The following DMGDH variants were observed in gnomAD, a reference collection of about 807,000 sequenced individuals.
DMGDH encodes the protein dimethylglycine dehydrogenase, mitochondrial.
In DMGDH, 76 loss-of-function variants were observed where a neutral mutation model predicts 95.2. The observed-to-expected ratio is 0.80, with a 90% CI of 0.66 to 0.97. The LOEUF is 0.97. Among genes scored for constraint, DMGDH ranks in the 50% least tolerant of loss-of-function variants. The probability of loss-of-function intolerance (pLI) is 0.00; values close to 1 mark genes in which losing one functional copy is unlikely to be tolerated. For synonymous variants in DMGDH, 345 were observed against 377.6 expected (o/e 0.91, Z 1.00); for missense variants, 987 against 1,055.0 (o/e 0.94, Z 0.89).
chr5:79,038,017 C>T (rs1754393808), intron 7 of DMGDH, among the ~76,000 whole-genome samples: 1 of 152,138 alleles, frequency 6.6e-6, no homozygotes, highest in Non-Finnish European at 1.5e-5. Context: ...TCTACAGATT[C>T]AATGCAATCT....
intron 14 of DMGDH, among the ~76,000 whole-genome samples, chr5:79,011,796 A>C (rs1753651817): frequency 6.6e-6 from 1 of 152,168 alleles, no homozygotes; most frequent in South Asian, 2.1e-4. Flanking sequence ...GAACTCACTC[A>C]CTATTGCGAG....
intron 12 of DMGDH, 46 bp from the exon 13 acceptor site, chr5:79,026,627 A>G (rs533063502): frequency 6.2e-7 from 1 of 1,613,250 alleles, no homozygotes; most frequent in African/African-American, 1.3e-5. Context: ...AACAATGATC[A>G]CTAGATCTAA....
chr5:79,005,248 T>A, intron 15 of DMGDH, 25 bp downstream of exon 15: 1 of 1,612,904 alleles, frequency 6.2e-7, no homozygotes, highest in Non-Finnish European at 8.5e-7. Context: ...CCACAGCCCC[T>A]GGCAGTGAGG....
chr5:79,058,035 A>G (rs1755082325), intron 2 of DMGDH, among the ~76,000 whole-genome samples: 1 of 152,342 alleles, frequency 6.6e-6, no homozygotes, highest in South Asian at 2.1e-4. Context: ...TACTGAAGAC[A>G]TTTAGCCCAA....
chr5:79,024,946 T>C (rs1561212940), intron 13 of DMGDH, among the ~76,000 whole-genome samples: 1 of 152,272 alleles, frequency 6.6e-6, no homozygotes, highest in African/African-American at 2.4e-5. Context: ...AGAACTAGTC[T>C]AAACCCCCTA....
intron 2 of DMGDH, among the ~76,000 whole-genome samples, chr5:79,058,360 G>A (rs1755094212): frequency 1.3e-5 from 2 of 152,170 alleles, no homozygotes; most frequent in Admixed American, 1.3e-4. Context: ...TAATGTAAGT[G>A]CCAGGCTTGA....
rs16876367 is a variant in DMGDH, at chr5:79,033,122, T to C, written c.1363+117A>G. ...TGTTATGTCTCAGGGGCACAATGCT[T>C]TTTGGAGTCCCTAACTACCGCCATC... On this transcript the variant is annotated intron_variant, in intron 8 of 15. Coordinates refer to ENST00000255189, the MANE Select transcript of DMGDH (RefSeq NM_013391.3). 2,085 of 1,310,960 alleles carry C rather than the reference T, an allele frequency of 1.6e-3. 23 individuals are homozygous for C. In the African/African-American group the frequency reaches 0.028, roughly 17 times the overall value. The allele number at this position is 1,310,960 out of a possible 1,614,324, so 81.2% of individuals were successfully genotyped here. A position where few individuals can be genotyped will look rare whatever the true frequency, so the allele number is the denominator to read the frequency against.
intron 2 of DMGDH, among the ~76,000 whole-genome samples, chr5:79,058,208 C>T (rs78590865): frequency 0.071 from 10,834 of 152,236 alleles, 854 homozygotes; most frequent in African/African-American, 0.18. Flanking sequence ...AATTTTCTCA[C>T]TCAGACATAG....
At chr5:79,038,532 T>C (rs1754411868) in intron 7 of DMGDH, among the ~76,000 whole-genome samples, 2 of 152,070 alleles carry the variant, frequency 1.3e-5, no homozygotes. Context: ...TAGACACAGA[T>C]GAAGGAACAG....
At chr5:79,039,356 C>T (rs1732135518) in intron 7 of DMGDH, among the ~76,000 whole-genome samples, 1 of 152,096 alleles carries the variant, frequency 6.6e-6, no homozygotes, top group African/African-American at 2.4e-5. Context: ...GGCACATATA[C>T]ACCATGGAAT....
intron 15 of DMGDH, 67 bp downstream of exon 15, chr5:79,005,206 A>G: frequency 6.2e-7 from 1 of 1,604,654 alleles, no homozygotes; most frequent in Non-Finnish European, 8.5e-7. Flanking sequence ...AAGAGGAAAT[A>G]GGAACAAGGG....
intron 2 of DMGDH, among the ~76,000 whole-genome samples, chr5:79,056,599 A>G (rs1755036815): frequency 6.6e-6 from 1 of 151,340 alleles, no homozygotes. Context: ...CATGCCTGTA[A>G]TCCCAGCACT....
chr5:79,064,553 G>A (rs936699320), intron 1 of DMGDH, among the ~76,000 whole-genome samples: 1 of 151,842 alleles, frequency 6.6e-6, no homozygotes, highest in Non-Finnish European at 1.5e-5. Flanking sequence ...ATTTTTAAAT[G>A]TATTTTTCTT....
At chr5:79,068,849 G>A (rs748960577) in intron 1 of DMGDH, among the ~76,000 whole-genome samples, 1 of 152,202 alleles carries the variant, frequency 6.6e-6, no homozygotes, top group Non-Finnish European at 1.5e-5. Flanking sequence ...TGGGAACCAG[G>A]GAAGATGTGG....
intron 5 of DMGDH, among the ~76,000 whole-genome samples, chr5:79,049,725 C>A (rs1392271115): frequency 1.3e-5 from 2 of 152,120 alleles, no homozygotes; most frequent in Non-Finnish European, 2.9e-5. Flanking sequence ...CAGATGGAGA[C>A]TGGAGGGAAA....
chr5:79,000,102 G>C (rs1753428564), intron 15 of DMGDH: 2 of 437,354 alleles, frequency 4.6e-6, no homozygotes, highest in Non-Finnish European at 8.9e-6. Context: ...CCATTACTCA[G>C]TGATGAACAT....
chr5:79,028,333 C>T (rs1053765471), intron 12 of DMGDH, 100 bp downstream of exon 12: 14 of 1,027,524 alleles, frequency 1.4e-5, no homozygotes, highest in Admixed American at 2.1e-5. Flanking sequence ...CATACACACT[C>T]ACACATTTCT....
intron 5 of DMGDH, among the ~76,000 whole-genome samples, chr5:79,046,056 GTGTTTTGTTT>G (rs71974072): frequency 0.048 from 7,131 of 147,780 alleles, 544 homozygotes; most frequent in African/African-American, 0.16. Context: ...CTATTTGCCG[GTGTTTTGTTT>G]TGTTTTGTTT....
chr5:79,043,777 C>G lies in DMGDH; in HGVS notation c.994+527G>C, dbSNP rs62377936. Among the ~76,000 whole-genome samples, 5 of 152,094 alleles carry G rather than the reference C, an allele frequency of 3.3e-5. No individual in the cohort carries two copies. In the East Asian group the frequency reaches 5.8e-4, roughly 18 times the overall value. ...CTTGAAAGAGAAACTATAGTATCCC[C>G]TGCTTTGGCATAGAGGCACAAGCCT... is the stretch of plus-strand genomic sequence containing the variant. On this transcript the variant is annotated intron_variant, in intron 6 of 15. Coordinates refer to ENST00000255189, the MANE Select transcript of DMGDH (RefSeq NM_013391.3).
Sources: allele counts gnomAD v4.1 joint callset (sites outside exome capture counted in the v4.1 genomes callset), GRCh38; gene constraint gnomAD v4.1.1; transcripts MANE v1.5; gene names NCBI Gene and HGNC (gene_info 2026-07-23, HGNC 2026-07-21).